Variants in RNF216 observed in about 807,000 individuals in gnomAD.
RNF216 encodes E3 ubiquitin-protein ligase RNF216.
RNF216 carries 72 observed loss-of-function variants against 110.8 expected under a neutral mutation model. The ratio of observed to expected loss-of-function variants is 0.65; its 90% confidence interval spans 0.54 to 0.79. The LOEUF is 0.79. Ranked by LOEUF, RNF216 falls within the 30% of genes least tolerant of loss-of-function variation. RNF216 has a pLI of 0.00. For missense variants in RNF216, 1,342 were observed against 1,141.2 expected (o/e 1.18, Z -2.54); for synonymous variants, 495 against 407.5 (o/e 1.21, Z -2.59).
chr7:5,747,759 AAAAAAAAAAAAAAAAAG>A lies in RNF216; in HGVS notation c.201+5070_201+5086del, dbSNP rs1413151219. 4.4e-4 allele frequency among the ~76,000 whole-genome samples: 58 copies of A among 131,282 alleles called. 1 individual carries two copies. In the South Asian group the frequency reaches 4.8e-3, roughly 11 times the overall value. 86.1% of individuals were successfully genotyped at this position (131,282 alleles called of 152,430 possible). Reference sequence around the variant, plus strand: ...GAGACTCCATCTCAAAAAAAAAAAAAAAAAAAAAAAAAAAAAGGGGAAAAAAAAAGAAAAAATAAATA... The same window carrying A: ...GAGACTCCATCTCAAAAAAAAAAAAAGGGAAAAAAAAAGAAAAAATAAATA... On this transcript the variant is annotated intron_variant, in intron 3 of 16. Coordinates refer to ENST00000389902, the MANE Select transcript of RNF216 (RefSeq NM_207111.4).
At chr7:5,733,780 AC>A (rs1794228996) in intron 5 of RNF216, among the ~76,000 whole-genome samples, 1 of 152,192 alleles carries the variant, frequency 6.6e-6, no homozygotes. Context: ...AAGAAATGTC[AC>A]TTATGCTACT....
At chr7:5,632,981 C>A (rs967851615) in intron 15 of RNF216, among the ~76,000 whole-genome samples, 2 of 151,774 alleles carry the variant, frequency 1.3e-5, no homozygotes, top group African/African-American at 2.4e-5. Flanking sequence ...ACTGGAAGAG[C>A]ACTTTCTGTT....
chr7:5,710,637 C>T (rs1380432202), intron 13 of RNF216, among the ~76,000 whole-genome samples: 2 of 152,184 alleles, frequency 1.3e-5, no homozygotes, highest in Non-Finnish European at 2.9e-5. Context: ...CATGGGCCTG[C>T]CCCTACTCAG....
At chr7:5,637,687 G>C (rs142465556) in intron 15 of RNF216, among the ~76,000 whole-genome samples, 2,827 of 152,194 alleles carry the variant, frequency 0.019, 40 homozygotes, top group Non-Finnish European at 0.029. Flanking sequence ...AGGTGTGCAC[G>C]CACCACCACC....
chr7:5,709,054 G>A (rs1292626390), intron 13 of RNF216, among the ~76,000 whole-genome samples: 1 of 152,076 alleles, frequency 6.6e-6, no homozygotes, highest in Non-Finnish European at 1.5e-5. Context: ...AGAGTCTTGG[G>A]CAGACTCCAG....
intron 15 of RNF216, among the ~76,000 whole-genome samples, chr7:5,639,621 C>T (rs1020401283): frequency 1.1e-4 from 17 of 151,842 alleles, no homozygotes; most frequent in Non-Finnish European, 1.9e-4. Context: ...ACACCATGCC[C>T]GGCTAATATT....
chr7:5,701,967 C>G (rs1324257266), intron 13 of RNF216, among the ~76,000 whole-genome samples: 3 of 152,202 alleles, frequency 2.0e-5, no homozygotes, highest in Non-Finnish European at 4.4e-5. Flanking sequence ...AGGAAGGCAG[C>G]TCAGGACCAG....
chr7:5,712,564 A>G (rs1198657920), intron 12 of RNF216, 151 bp downstream of exon 12: 5 of 742,176 alleles, frequency 6.7e-6, no homozygotes, highest in South Asian at 2.0e-5. Context: ...ATAAAAATAA[A>G]TAAGTAAAAT....
At chr7:5,671,318 A>G (rs1238193240) in intron 13 of RNF216, among the ~76,000 whole-genome samples, 1 of 152,164 alleles carries the variant, frequency 6.6e-6, no homozygotes, top group Non-Finnish European at 1.5e-5. Flanking sequence ...ACTGAATCAC[A>G]CGTGCTAAAA....
At chr7:5,632,356 T>C (rs1477973121) in intron 15 of RNF216, among the ~76,000 whole-genome samples, 2 of 152,254 alleles carry the variant, frequency 1.3e-5, no homozygotes, top group Non-Finnish European at 2.9e-5. Context: ...GTTCTGTCTC[T>C]GCTCTCCTTC....
At chr7:5,728,501 G>T (rs1793895363) in intron 7 of RNF216, among the ~76,000 whole-genome samples, 1 of 151,904 alleles carries the variant, frequency 6.6e-6, no homozygotes, top group Admixed American at 6.6e-5. Flanking sequence ...TTGAACTGGG[G>T]AGGCAGAGGC....
At chr7:5,707,707 G>T (rs946183017) in intron 13 of RNF216, among the ~76,000 whole-genome samples, 1 of 144,844 alleles carries the variant, frequency 6.9e-6, no homozygotes, top group African/African-American at 2.6e-5. Flanking sequence ...GCTTTTCAGT[G>T]TGTGTGTGTG....
chr7:5,650,618 A>G (rs1788330271), intron 14 of RNF216, among the ~76,000 whole-genome samples: 1 of 152,036 alleles, frequency 6.6e-6, no homozygotes, highest in South Asian at 2.1e-4. Flanking sequence ...CAACTTCTAC[A>G]GGCTACCTCA....
chr7:5,752,997 A>C lies in RNF216; in HGVS notation c.68-18T>G. On this transcript the variant is annotated intron_variant, in intron 2 of 16. Transcript: ENST00000389902. Reference sequence around the variant, plus strand: ...GATCCACTCTACAGGAAAGCAGAGAACACTGTTACTGGGAGGTTGGCACTA... The same window carrying C: ...GATCCACTCTACAGGAAAGCAGAGACCACTGTTACTGGGAGGTTGGCACTA... 6.2e-7 allele frequency: 1 copy of C among 1,601,714 alleles called. No individual in the cohort carries two copies. The highest frequency in any genetic ancestry group is 8.5e-7 in the Non-Finnish European group (1 of 1,175,226).
At position 5,622,692 on chromosome 7, in the gene RNF216, C is replaced by G; in HGVS notation, c.*168G>C. The G allele has an allele frequency of 1.5e-6, 1 of 679,496 alleles. No individual in the cohort carries two copies. Among genetic ancestry groups the G allele is most frequent in the Non-Finnish European group, 2.5e-6 (1 of 401,218 alleles). 42.1% of individuals were successfully genotyped at this position (679,496 alleles called of 1,614,324 possible). A position where few individuals can be genotyped will look rare whatever the true frequency, so the allele number is the denominator to read the frequency against. On this transcript the variant is annotated 3_prime_UTR_variant, in exon 17 of 17. Transcript: ENST00000389902. Reference sequence around the variant, plus strand: ...GACGTCTTTATTATGGATCCGTCCACTCTTCCAGGAGCAGTAGCCCTTCTA... The same window carrying G: ...GACGTCTTTATTATGGATCCGTCCAGTCTTCCAGGAGCAGTAGCCCTTCTA...
chr7:5,662,301 C>T (rs1789199189), intron 13 of RNF216: 1 of 152,184 alleles, frequency 6.6e-6, no homozygotes, highest in African/African-American at 2.4e-5. Context: ...AGTTGCATGT[C>T]TGGCGGTATA....
At chr7:5,740,915 A>G (rs1794716423) in intron 4 of RNF216, 58 bp downstream of exon 4, 5 of 1,495,064 alleles carry the variant, frequency 3.3e-6, no homozygotes, top group Non-Finnish European at 4.4e-6. Context: ...TGAAAAAAAA[A>G]AAAGAAAAAA....
chr7:5,750,121 G>C (rs989378395), intron 3 of RNF216, among the ~76,000 whole-genome samples: 5 of 152,110 alleles, frequency 3.3e-5, no homozygotes, highest in African/African-American at 1.2e-4. Context: ...TTTAATAAAA[G>C]GACACAACTG....
At position 5,624,232 on chromosome 7, in the gene RNF216, G is replaced by A. The variant is rs530545426; in HGVS notation, c.2383-107C>T. Reference sequence around the variant, plus strand: ...TTGCTTATGGCCATGGAACAAGCCCGAAGCCTGCTGCTGGCCAGTGGGGCC... The same window carrying A: ...TTGCTTATGGCCATGGAACAAGCCCAAAGCCTGCTGCTGGCCAGTGGGGCC... On this transcript the variant is annotated intron_variant, in intron 15 of 16. Transcript: ENST00000389902. This position sits in a 1 kb window ranked among gnomAD's most constrained non-coding sequence, Gnocchi z 4.4. 13 of 876,800 alleles carry A rather than the reference G, an allele frequency of 1.5e-5. No homozygotes were observed. Among genetic ancestry groups the A allele is most frequent in the East Asian group, 1.3e-4 (5 of 39,136 alleles). 54.3% of individuals were successfully genotyped at this position (876,800 alleles called of 1,614,324 possible).
Sources: gnomAD v4.1 joint callset for allele counts (sites outside exome capture counted in the v4.1 genomes callset) on GRCh38, gnomAD v4.1.1 for gene constraint, Gnocchi (gnomAD v3.1) non-coding constraint, MANE v1.5 for transcripts, NCBI Gene and HGNC (gene_info 2026-07-23, HGNC 2026-07-21) for gene names.